Variants in SLC7A2 observed in about 807,000 individuals in gnomAD.
SLC7A2 encodes solute carrier family 7 member 2.
SLC7A2 carries 48 observed loss-of-function variants against 58.9 expected under a neutral mutation model. That is an observed-to-expected ratio of 0.82 (90% CI 0.65 to 1.04). The LOEUF is 1.04. Among genes scored for constraint, SLC7A2 ranks in the 50% least tolerant of loss-of-function variants. The pLI is 0.00. For synonymous variants in SLC7A2, 363 were observed against 314.5 expected, an observed-to-expected ratio of 1.15 and a Z score of -1.63; for missense variants, 1,029 against 818.8, an observed-to-expected ratio of 1.26 and a Z score of -3.13.
At chr8:17,538,159 G>A (rs1051745644) in intron 2 of SLC7A2, among the ~76,000 whole-genome samples, 2 of 152,176 alleles carry the variant, frequency 1.3e-5, no homozygotes, top group African/African-American at 4.8e-5. Context: ...TATGTTTTTA[G>A]TCTAACTTCC....
At chr8:17,561,344 A>G (rs768389562) in intron 10 of SLC7A2, among the ~76,000 whole-genome samples, 3 of 152,150 alleles carry the variant, frequency 2.0e-5, no homozygotes, top group Admixed American at 6.6e-5. Flanking sequence ...ACATGGCAGC[A>G]GGGAAGAGAA....
chr8:17,495,501 GATAAT>G (rs1461263298), upstream of SLC7A2, among the ~76,000 whole-genome samples: 2 of 152,158 alleles, frequency 1.3e-5, no homozygotes, highest in Non-Finnish European at 2.9e-5. Flanking sequence ...TGGTCTATCA[GATAAT>G]ATCTTCGTAA....
At chr8:17,530,389 A>G (rs752023756) in intron 2 of SLC7A2, among the ~76,000 whole-genome samples, 3 of 152,118 alleles carry the variant, frequency 2.0e-5, no homozygotes, top group Non-Finnish European at 2.9e-5. Context: ...TATGTGAGCC[A>G]GAAGACTTAT....
chr8:17,507,674 G>A (rs1179094862), intron 2 of SLC7A2, among the ~76,000 whole-genome samples: 3 of 152,122 alleles, frequency 2.0e-5, no homozygotes, highest in African/African-American at 7.2e-5. Flanking sequence ...ATTATTACAT[G>A]TCAGTGAAAA....
At chr8:17,549,452 T>C (rs1371634816) in intron 5 of SLC7A2, among the ~76,000 whole-genome samples, 1 of 152,214 alleles carries the variant, frequency 6.6e-6, no homozygotes, top group Non-Finnish European at 1.5e-5. Flanking sequence ...CAAGCTCTGC[T>C]CCGGGTTTAG....
chr8:17,545,406 T>A (rs1412597257), intron 4 of SLC7A2, among the ~76,000 whole-genome samples: 1 of 136,092 alleles, frequency 7.3e-6, no homozygotes, highest in African/African-American at 2.8e-5. Context: ...ACATTTTCTT[T>A]TTTTTTTTTT....
intron 2 of SLC7A2, among the ~76,000 whole-genome samples, chr8:17,519,759 G>A (rs76707887): frequency 6.6e-6 from 1 of 152,118 alleles, no homozygotes; most frequent in Non-Finnish European, 1.5e-5. Flanking sequence ...TTTCTTTGGG[G>A]CTTCTGAATA....
At chr8:17,495,102 C>T (rs192789056), upstream of SLC7A2, among the ~76,000 whole-genome samples, 546 of 152,224 alleles carry the variant, frequency 3.6e-3, 2 homozygotes, top group African/African-American at 0.013. Flanking sequence ...GAAATAATTG[C>T]TTAAGTTTAA....
Position 17,538,841 on chromosome 8 carries a change from G to A in SLC7A2, c.-22-4477G>A. 6.2e-7 allele frequency: 1 copy of A among 1,613,624 alleles called. No individual in the cohort carries two copies. On this transcript the variant is annotated intron_variant, in intron 2 of 12. Transcript: ENST00000494857. ...GCAACTGGAATGAAGATAGAAACAA[G>A]TGGTTATAACTCAGACAAACTAATT...
upstream of SLC7A2, among the ~76,000 whole-genome samples, chr8:17,495,561 T>C (rs1799936467): frequency 6.6e-6 from 1 of 152,216 alleles, no homozygotes; most frequent in Non-Finnish European, 1.5e-5. Context: ...CGTTTGCTTT[T>C]GTTTTTGAGA....
chr8:17,498,149 AG>A (rs374869561), intron 1 of SLC7A2, among the ~76,000 whole-genome samples: 255 of 152,342 alleles, frequency 1.7e-3, no homozygotes, highest in African/African-American at 5.9e-3. Context: ...AACTGGCTAA[AG>A]CCTTTAGGTG....
chr8:17,543,157 C>T (rs1026752446), intron 2 of SLC7A2, among the ~76,000 whole-genome samples, 161 bp from the exon 3 acceptor site: 2 of 151,622 alleles, frequency 1.3e-5, no homozygotes, highest in Non-Finnish European at 2.9e-5. Flanking sequence ...CTTCTGACTG[C>T]TCTGGGTCAC....
chr8:17,545,938 C>T (rs1462996245), intron 4 of SLC7A2, among the ~76,000 whole-genome samples: 1 of 152,100 alleles, frequency 6.6e-6, no homozygotes, highest in African/African-American at 2.4e-5. Context: ...AATAGCTTTA[C>T]CCTTTAAAAA....
Position 17,543,755 on chromosome 8 carries a change from G to T in SLC7A2, c.376+40G>T, listed in dbSNP as rs765819986. The T allele has an allele frequency of 3.0e-5, 45 of 1,502,242 alleles. No individual in the cohort carries two copies. In the African/African-American group the frequency reaches 6.3e-4, roughly 21 times the overall value. The allele number at this position is 1,502,242 out of a possible 1,614,324, so 93.1% of individuals were successfully genotyped here. A position where few individuals can be genotyped will look rare whatever the true frequency, so the allele number is the denominator to read the frequency against. On this transcript the variant is annotated intron_variant, in intron 3 of 12. Coordinates refer to ENST00000494857, the MANE Select transcript of SLC7A2 (RefSeq NM_001370338.1). The stretch of plus-strand genomic sequence containing the variant: ...GAAATCTAACTTGTGTGGAATGGAA[G>T]AAATCGCAGCCCTGAGTCACAGCCC...
intron 2 of SLC7A2, among the ~76,000 whole-genome samples, chr8:17,515,741 A>G (rs1454174079): frequency 1.3e-5 from 2 of 152,208 alleles, no homozygotes; most frequent in East Asian, 1.9e-4. Context: ...TTCAGCCACA[A>G]AATAAAAATC....
Position 17,558,305 on chromosome 8 carries a change from C to T in SLC7A2, c.1206C>T (p.Ala402=). 1.2e-6 allele frequency: 2 copies of T among 1,612,220 alleles called. No homozygotes were observed. Among genetic ancestry groups the T allele is most frequent in the Non-Finnish European group, 8.5e-7 (1 of 1,178,586 alleles). Residue 402 remains alanine (A), a synonymous_variant, in exon 9 of 13, where the codon GCC becomes GCT. Coordinates refer to ENST00000494857, the MANE Select transcript of SLC7A2 (RefSeq NM_001370338.1). ...LSSGAVAALM[A]FLFDLKALVD... ...TTCTTCTCCCCCTAGCTTTGATGGC[C>T]TTTCTGTTTGACCTGAAGGCGCTTG...
chr8:17,533,937 C>A (rs528764509), intron 2 of SLC7A2, among the ~76,000 whole-genome samples: 1 of 152,172 alleles, frequency 6.6e-6, no homozygotes, highest in Non-Finnish European at 1.5e-5. Context: ...CTGACAGGCC[C>A]CAGTGTGTGT....
chr8:17,567,212 T>A lies in SLC7A2; in HGVS notation c.*2066T>A, dbSNP rs539508076. On this transcript the variant is annotated 3_prime_UTR_variant, in exon 13 of 13. Coordinates refer to ENST00000494857, the MANE Select transcript of SLC7A2 (RefSeq NM_001370338.1). ...TAGGGACTGTAGGCATGCTCATAAATCCTTGCTGTTGTCACAGTACGCTGA... is the reference window on the plus strand; with the variant it reads ...TAGGGACTGTAGGCATGCTCATAAAACCTTGCTGTTGTCACAGTACGCTGA... The A allele has an allele frequency of 6.5e-6, 1 of 152,692 alleles. No individual in the cohort carries two copies. The highest frequency in any genetic ancestry group is 2.4e-5 in the African/African-American group (1 of 41,564). The allele number at this position is 152,692 out of a possible 1,614,324, so 9.5% of individuals were successfully genotyped here. A position where few individuals can be genotyped will look rare whatever the true frequency, so the allele number is the denominator to read the frequency against.
At chr8:17,511,937 C>T (rs1352115175) in intron 2 of SLC7A2, among the ~76,000 whole-genome samples, 2 of 152,188 alleles carry the variant, frequency 1.3e-5, no homozygotes, top group Admixed American at 6.5e-5. Flanking sequence ...ACAACATGAT[C>T]TGTCGTTCTG....
Sources: allele counts gnomAD v4.1 joint callset (sites outside exome capture counted in the v4.1 genomes callset), GRCh38; gene constraint gnomAD v4.1.1; transcripts MANE v1.5; gene names NCBI Gene and HGNC (gene_info 2026-07-23, HGNC 2026-07-21).